Variants in RHBDD1 observed in about 807,000 individuals in gnomAD.
RHBDD1 encodes the protein rhomboid domain containing 1.
A neutral mutation model predicts 36.3 loss-of-function variants in RHBDD1; 38 were observed. The ratio of observed to expected loss-of-function variants is 1.05; its 90% CI spans 0.81 to 1.37. RHBDD1 has a LOEUF of 1.37. RHBDD1 is among the 40% of genes most tolerant of loss of function. The probability of loss-of-function intolerance (pLI) is 0.00; values close to 1 mark genes in which losing one functional copy is unlikely to be tolerated. For missense variants in RHBDD1, 393 were observed against 377.6 expected, an observed-to-expected ratio of 1.04 and a Z score of -0.34; for synonymous variants, 151 against 136.5, an observed-to-expected ratio of 1.11 and a Z score of -0.74.
At chr2:226,959,759 T>G (rs1421302885) in intron 8 of RHBDD1, among the ~76,000 whole-genome samples, 1 of 152,226 alleles carries the variant, frequency 6.6e-6, no homozygotes, top group Non-Finnish European at 1.5e-5. Flanking sequence ...TACTGTTAGG[T>G]ACATACCTAG....
rs4439949 is a variant in RHBDD1, at chr2:226,900,238, T to A, written c.567-6555T>A. 5.5e-4 allele frequency among the ~76,000 whole-genome samples: 84 copies of A among 152,042 alleles called. 1 individual carries two copies. The highest frequency in any genetic ancestry group is 5.2e-3 in the Admixed American group (80 of 15,286). ...AACTACTGGATTAAGTTATTGTTCC[T>A]TATTAAAGTGAAATTACATCAATAC... On this transcript the variant is annotated intron_variant, in intron 5 of 8. Transcript: ENST00000392062.
chr2:226,906,618 A>T, intron 5 of RHBDD1, 175 bp from the exon 6 acceptor site: 1 of 1,371,718 alleles, frequency 7.3e-7, no homozygotes, highest in Non-Finnish European at 9.7e-7. Flanking sequence ...ACTTTTTTTT[A>T]AGGTAGGAGA....
chr2:226,817,701 C>T, the RHBDD1 span, among the ~76,000 whole-genome samples: 1 of 152,170 alleles, frequency 6.6e-6, no homozygotes, highest in East Asian at 1.9e-4. Flanking sequence ...TTAAGGCTGG[C>T]AGTTAAATGA....
intron 5 of RHBDD1, chr2:226,895,811 C>A (rs1947055948): frequency 1.0e-6 from 1 of 985,022 alleles, no homozygotes; most frequent in Non-Finnish European, 1.2e-6. Context: ...CCAGCAACAG[C>A]AAAACTATTT....
At chr2:226,908,240 C>T (rs1392422629) in intron 6 of RHBDD1, 1 of 152,174 alleles carries the variant, frequency 6.6e-6, no homozygotes, top group Non-Finnish European at 1.5e-5. Context: ...GACACAGGAA[C>T]CCCATGGAAA....
At chr2:226,974,225 T>TTTTTATTTTATTTTA (rs145186235) in intron 8 of RHBDD1, among the ~76,000 whole-genome samples, 1,991 of 148,240 alleles carry the variant, frequency 0.013, 24 homozygotes, top group African/African-American at 0.02. Flanking sequence ...TGTTGCCCTT[T>TTTTTATTTTATTTTA]TTTTATTTTA....
At chr2:226,897,274 CT>C (rs1381465221) in intron 5 of RHBDD1, among the ~76,000 whole-genome samples, 2 of 151,536 alleles carry the variant, frequency 1.3e-5, no homozygotes, top group Non-Finnish European at 2.9e-5. Context: ...GTAAAGTAGA[CT>C]TGCTTTCTTA....
chr2:226,917,474 T>G (rs1948995501), intron 8 of RHBDD1, among the ~76,000 whole-genome samples: 1 of 152,146 alleles, frequency 6.6e-6, no homozygotes. Flanking sequence ...GAGAAGAGTA[T>G]TTCTGGGATT....
At chr2:226,810,016 A>G in the RHBDD1 span, among the ~76,000 whole-genome samples, 4 of 152,150 alleles carry the variant, frequency 2.6e-5, no homozygotes, top group Non-Finnish European at 5.9e-5. Context: ...CCATAACATA[A>G]CTCTTGGAAT....
chr2:226,850,883 GAA>G (rs978846030), intron 3 of RHBDD1, among the ~76,000 whole-genome samples: 1 of 152,126 alleles, frequency 6.6e-6, no homozygotes, highest in African/African-American at 2.4e-5. Flanking sequence ...GTGACCATGA[GAA>G]AAGGAAAGCT....
chr2:226,864,774 T>G lies in RHBDD1; in HGVS notation c.81T>G (p.Ile27Met). ...TCTTCCATGTTGGGATCAACAATAT[T>G]CCACCTGTCACCCTAGCAACTTTGG... is the stretch of plus-strand genomic sequence containing the variant. ...SQIFHVGINN[I>M]PPVTLATLAL... The change falls in exon 4 of 9, where the codon ATT becomes ATG. Residue 27 changes from isoleucine (I) to methionine (M), a missense_variant. Transcript: ENST00000392062. 1 of 1,614,196 alleles carries G rather than the reference T, an allele frequency of 6.2e-7. No individual in the cohort carries two copies. The highest frequency in any genetic ancestry group is 8.5e-7 in the Non-Finnish European group (1 of 1,180,014).
At chr2:226,913,885 A>G (rs1411307883) in intron 7 of RHBDD1, among the ~76,000 whole-genome samples, 1 of 152,176 alleles carries the variant, frequency 6.6e-6, no homozygotes, top group East Asian at 1.9e-4. Context: ...CTCTCCAAGT[A>G]TTGAATAGCT....
chr2:226,899,104 G>T (rs1947369437), intron 5 of RHBDD1, among the ~76,000 whole-genome samples: 1 of 152,200 alleles, frequency 6.6e-6, no homozygotes, highest in African/African-American at 2.4e-5. Context: ...CACAGATCCA[G>T]TTTTTGATTC....
chr2:226,964,358 C>G (rs920955630), intron 8 of RHBDD1, among the ~76,000 whole-genome samples: 6 of 152,184 alleles, frequency 3.9e-5, no homozygotes, highest in Admixed American at 3.9e-4. Context: ...TAGTTAACTA[C>G]TCCTTCCTTG....
intron 6 of RHBDD1, chr2:226,908,109 C>T (rs1948198798): frequency 6.6e-6 from 1 of 152,148 alleles, no homozygotes; most frequent in Admixed American, 6.5e-5. Flanking sequence ...CTTATTTCTA[C>T]ACCACTCCAT....
intron 3 of RHBDD1, among the ~76,000 whole-genome samples, chr2:226,852,693 C>T (rs1317844916): frequency 6.6e-6 from 1 of 151,994 alleles, no homozygotes; most frequent in Non-Finnish European, 1.5e-5. Context: ...AAGACAATTG[C>T]CAGAAACAAT....
At chr2:226,940,950 C>CTTT (rs1194250936) in intron 8 of RHBDD1, among the ~76,000 whole-genome samples, 24 of 146,050 alleles carry the variant, frequency 1.6e-4, no homozygotes, top group African/African-American at 6.0e-4. Flanking sequence ...TTTCTTTTTC[C>CTTT]TTTTTTTTTT....
chr2:226,854,249 T>A (rs1028256160), intron 3 of RHBDD1, among the ~76,000 whole-genome samples: 4 of 152,144 alleles, frequency 2.6e-5, no homozygotes, highest in African/African-American at 7.2e-5. Context: ...CTTATTATTA[T>A]TTAGTATCTG....
chr2:226,957,105 G>A (rs1951835770), intron 8 of RHBDD1, among the ~76,000 whole-genome samples: 1 of 152,164 alleles, frequency 6.6e-6, no homozygotes, highest in Non-Finnish European at 1.5e-5. Flanking sequence ...CTGCCCATGG[G>A]GGCAGAAAGG....
Sources: allele counts gnomAD v4.1 joint callset (sites outside exome capture counted in the v4.1 genomes callset), GRCh38; gene constraint gnomAD v4.1.1; transcripts MANE v1.5; gene names NCBI Gene and HGNC (gene_info 2026-07-23, HGNC 2026-07-21).